PPIP5K2: variants seen among roughly 807,000 people sequenced by gnomAD.
The protein encoded by PPIP5K2 is diphosphoinositol pentakisphosphate kinase 2, also known as inositol hexakisphosphate and diphosphoinositol-pentakisphosphate kinase 2.
Under a neutral mutation model 154.6 loss-of-function variants are expected in PPIP5K2, and 105 were observed. The observed-to-expected ratio is 0.68, with a 90% CI of 0.58 to 0.80. PPIP5K2 has a LOEUF of 0.80. Ranked by LOEUF, PPIP5K2 falls within the 30% of genes least tolerant of loss-of-function variation. The pLI, the probability that PPIP5K2 is intolerant of heterozygous loss-of-function variation, is 0.00. For missense variants in PPIP5K2, 992 were observed against 1,504.6 expected (o/e 0.66, Z 5.64); for synonymous variants, 480 against 490.3 (o/e 0.98, Z 0.28).
chr5:103,134,046 A>G (rs1218061433), intron 3 of PPIP5K2, among the ~76,000 whole-genome samples: 1 of 152,064 alleles, frequency 6.6e-6, no homozygotes, highest in Non-Finnish European at 1.5e-5. Flanking sequence ...AGGTTGTGTG[A>G]TCTTTTTCAC....
Position 103,212,280 on chromosome 5 carries a change from C to T in PPIP5K2, c.*10646C>T, listed in dbSNP as rs1554232622. ...CCAAAACATACCATGAGGACACTTT[C>T]ACAATCCAGGGCACACACATGACTC... On this transcript the variant is annotated 3_prime_UTR_variant, in exon 31 of 31. Transcript: ENST00000358359. The T allele has an allele frequency of 6.5e-6, 1 of 152,730 alleles. No homozygotes were observed. Among genetic ancestry groups the T allele is most frequent in the Non-Finnish European group, 1.5e-5 (1 of 68,020 alleles). The allele number at this position is 152,730 out of a possible 1,614,324, so 9.5% of individuals were successfully genotyped here.
chr5:103,188,196 G>T (rs1169780832), intron 28 of PPIP5K2, among the ~76,000 whole-genome samples: 2 of 151,940 alleles, frequency 1.3e-5, no homozygotes, highest in African/African-American at 4.8e-5. Context: ...GGGGCAAGAG[G>T]GAATATTTAC....
At chr5:103,197,418 T>C (rs1802255090) in intron 30 of PPIP5K2, among the ~76,000 whole-genome samples, 1 of 152,000 alleles carries the variant, frequency 6.6e-6, no homozygotes, top group Admixed American at 6.6e-5. Flanking sequence ...ATGAATGTGG[T>C]AATAACTTCT....
chr5:103,124,146 G>C (rs1260013436), intron 1 of PPIP5K2, among the ~76,000 whole-genome samples: 2 of 152,002 alleles, frequency 1.3e-5, no homozygotes, highest in Non-Finnish European at 2.9e-5. Context: ...TGAGTGTGGT[G>C]GTGGGTGCCT....
At chr5:103,180,847 C>T (rs1209996078) in intron 24 of PPIP5K2, among the ~76,000 whole-genome samples, 8 of 143,984 alleles carry the variant, frequency 5.6e-5, no homozygotes, top group African/African-American at 7.7e-5. Context: ...AAGACTCTCC[C>T]CAAAAAAAAA....
chr5:103,189,330 GA>G (rs1800867151), intron 28 of PPIP5K2: 16 of 888,678 alleles, frequency 1.8e-5, no homozygotes, highest in East Asian at 5.6e-5. Flanking sequence ...AAGATAAGTG[GA>G]AAAAAATGTA....
At chr5:103,144,172 T>TC (rs1211575720) in intron 5 of PPIP5K2, among the ~76,000 whole-genome samples, 2 of 151,020 alleles carry the variant, frequency 1.3e-5, no homozygotes, top group Non-Finnish European at 3.0e-5. Context: ...AAAAAAGTAA[T>TC]CCCATTTACA....
At chr5:103,125,138 T>A (rs1789436572) in intron 1 of PPIP5K2, among the ~76,000 whole-genome samples, 1 of 152,214 alleles carries the variant, frequency 6.6e-6, no homozygotes, top group African/African-American at 2.4e-5. Flanking sequence ...GTACTTGTTT[T>A]CAAAAACTGG....
At position 103,184,727 on chromosome 5, in the gene PPIP5K2, A is replaced by T. The variant is rs1316695799; in HGVS notation, c.3152A>T (p.Lys1051Met). 7 of 1,612,318 alleles carry T rather than the reference A, an allele frequency of 4.3e-6. No homozygotes were observed. In the South Asian group the frequency reaches 7.7e-5, roughly 18 times the overall value. The change falls in exon 26 of 31, where the codon AAG (lysine) becomes ATG (methionine). Residue 1051 changes from lysine (K) to methionine (M), a missense_variant. Lys to Met is a moderately conservative substitution (Grantham distance 95, BLOSUM62 -1). Around this residue, in one of 9 missense-constraint regions of PPIP5K2, gnomAD observed 204 missense variants for 224.0 expected, o/e 0.91. Transcript: ENST00000358359. ...LRTPRTLVEQ[K>M]QNPTVGSHCA... ...ACACCAAGAACTCTTGTGGAACAGA[A>T]GCAGAATCCTACTGTAGGTATGTGG...
At chr5:103,197,867 C>T (rs944641444) in intron 30 of PPIP5K2, among the ~76,000 whole-genome samples, 1 of 151,342 alleles carries the variant, frequency 6.6e-6, no homozygotes, top group Non-Finnish European at 1.5e-5. Context: ...TGTGAGCCAC[C>T]GCACCCAGCC....
intron 1 of PPIP5K2, among the ~76,000 whole-genome samples, chr5:103,128,417 A>G (rs1425332523): frequency 2.1e-5 from 3 of 145,700 alleles, no homozygotes; most frequent in African/African-American, 7.8e-5. Context: ...TTATTTATTT[A>G]TTTATTTGAG....
In PPIP5K2 at chr5:103,129,291, T is replaced by C. The variant is rs781809977; in HGVS notation, c.-284-15T>C. 9.1e-5 allele frequency: 16 copies of C among 175,638 alleles called. No homozygotes were observed. The highest frequency in any genetic ancestry group is 1.4e-4 in the Non-Finnish European group (12 of 83,636). 10.9% of individuals were successfully genotyped at this position (175,638 alleles called of 1,614,324 possible). ...GAGTGCACTCTCCAAAATTAGTTTT[T>C]TCATTGCATTTTAGGTAAGAAGATT... On this transcript the variant is annotated splice_polypyrimidine_tract_variant and intron_variant, in intron 1 of 30. Coordinates refer to ENST00000358359, the MANE Select transcript of PPIP5K2 (RefSeq NM_001276277.3).
intron 1 of PPIP5K2, among the ~76,000 whole-genome samples, chr5:103,124,408 TG>T (rs1242557969): frequency 5.9e-5 from 9 of 152,180 alleles, no homozygotes; most frequent in Non-Finnish European, 1.2e-4. Context: ...ATAAGGACTG[TG>T]GAGTCCTCAT....
At chr5:103,189,203 CTG>C (rs1554226112) in intron 28 of PPIP5K2, 1 of 1,531,426 alleles carries the variant, frequency 6.5e-7, no homozygotes, top group East Asian at 2.4e-5. Context: ...TCCGTTTCCT[CTG>C]TGGAATTTCT....
intron 24 of PPIP5K2, among the ~76,000 whole-genome samples, chr5:103,182,581 A>T (rs1799712596): frequency 6.6e-6 from 1 of 152,178 alleles, no homozygotes; most frequent in African/African-American, 2.4e-5. Flanking sequence ...TGAAACCTGA[A>T]CATGCAAACA....
intron 29 of PPIP5K2, among the ~76,000 whole-genome samples, chr5:103,193,264 A>G (rs1264776904): frequency 2.0e-5 from 3 of 152,108 alleles, no homozygotes; most frequent in Middle Eastern, 3.2e-3. Flanking sequence ...CATGTATTTT[A>G]TAGAGTAACT....
Position 103,203,101 on chromosome 5 carries a change from T to C in PPIP5K2, c.*1467T>C, listed in dbSNP as rs1803250636. ...CATGTCTTGTAAACAGTTGAATGTATGTAAGTTTTCTGTTTGTGAAAATGT... is the reference window on the plus strand; with the variant it reads ...CATGTCTTGTAAACAGTTGAATGTACGTAAGTTTTCTGTTTGTGAAAATGT... On this transcript the variant is annotated 3_prime_UTR_variant, in exon 31 of 31. Coordinates refer to ENST00000358359, the MANE Select transcript of PPIP5K2 (RefSeq NM_001276277.3). The C allele has an allele frequency of 6.6e-6, 1 of 152,588 alleles. No individual in the cohort carries two copies. The highest frequency in any genetic ancestry group is 6.5e-5 in the Admixed American group (1 of 15,270). The allele number at this position is 152,588 out of a possible 1,614,324, so 9.5% of individuals were successfully genotyped here. A position where few individuals can be genotyped will look rare whatever the true frequency, so the allele number is the denominator to read the frequency against.
chr5:103,151,111 C>T, intron 8 of PPIP5K2, 142 bp from the exon 9 acceptor site: 4 of 550,596 alleles, frequency 7.3e-6, no homozygotes, highest in Non-Finnish European at 8.6e-6. Context: ...TAATTTCTTT[C>T]ATTTCTTATT....
At chr5:103,137,407 C>G (rs1409994523) in intron 4 of PPIP5K2, among the ~76,000 whole-genome samples, 1 of 152,122 alleles carries the variant, frequency 6.6e-6, no homozygotes, top group Non-Finnish European at 1.5e-5. Flanking sequence ...TGTGATCCGC[C>G]TGCCTCGGCC....
Sources: allele counts gnomAD v4.1 joint callset (sites outside exome capture counted in the v4.1 genomes callset), GRCh38; gene constraint gnomAD v4.1.1; regional missense constraint gnomAD v4.1.1; transcripts MANE v1.5; gene names NCBI Gene and HGNC (gene_info 2026-07-23, HGNC 2026-07-21).